The following SBF2 variants were observed in gnomAD, a reference collection of about 807,000 sequenced individuals.
SBF2 encodes the protein myotubularin-related protein 13.
SBF2 carries 112 observed loss-of-function variants against 225.2 expected under a neutral mutation model. The ratio of observed to expected loss-of-function variants is 0.50; its 90% CI spans 0.43 to 0.58. The LOEUF (loss-of-function observed/expected upper bound fraction) is 0.58, where lower values mean the gene tolerates loss of function less well. SBF2 is among the 20% of genes least tolerant of loss of function. The pLI is 0.00. For missense variants in SBF2, 1,996 were observed against 2,206.2 expected, an observed-to-expected ratio of 0.90 and a Z score of 1.91; for synonymous variants, 763 against 773.3, an observed-to-expected ratio of 0.99 and a Z score of 0.22.
chr11:10,041,702 A>G (rs191672089), intron 3 of SBF2, among the ~76,000 whole-genome samples: 2 of 152,310 alleles, frequency 1.3e-5, no homozygotes, highest in African/African-American at 2.4e-5. Context: ...CTGCATCCAG[A>G]AAATTCAGAT....
In SBF2 at chr11:9,845,028, CA is replaced by C. The variant is rs201689784; in HGVS notation, c.3110+536del. Among the ~76,000 whole-genome samples, 892 of 151,518 alleles carry C rather than the reference CA, an allele frequency of 5.9e-3. 4 individuals carry two copies. The highest frequency in any genetic ancestry group is 0.019 in the African/African-American group (775 of 41,392). On this transcript the variant is annotated intron_variant, in intron 24 of 39. Transcript: ENST00000256190. The stretch of plus-strand genomic sequence containing the variant: ...CATCTTATATCTAACTCAAATGGCT[CA>C]AAAAAAATATGTGTATATATGAGAG...
chr11:10,221,202 C>G (rs1413799602), intron 1 of SBF2, among the ~76,000 whole-genome samples: 2 of 151,368 alleles, frequency 1.3e-5, no homozygotes, highest in Non-Finnish European at 2.9e-5. Context: ...ATTGCAGCCT[C>G]TGTCTCCCGG....
chr11:10,076,897 C>G (rs1305196674), intron 2 of SBF2, among the ~76,000 whole-genome samples: 1 of 152,188 alleles, frequency 6.6e-6, no homozygotes, highest in African/African-American at 2.4e-5. Context: ...AGCCTAGCCC[C>G]ATTTGGCCTT....
intron 28 of SBF2, among the ~76,000 whole-genome samples, chr11:9,821,500 G>A (rs150137499): frequency 6.6e-6 from 1 of 152,296 alleles, no homozygotes; most frequent in East Asian, 1.9e-4. Flanking sequence ...CCATCTGGAA[G>A]TCATTTTAAC....
intron 3 of SBF2, among the ~76,000 whole-genome samples, chr11:10,035,986 C>T (rs1949419977): frequency 6.6e-6 from 1 of 151,986 alleles, no homozygotes; most frequent in African/African-American, 2.4e-5. Flanking sequence ...ACACTATTCA[C>T]AATAGGAAAG....
At chr11:10,087,136 G>A (rs769367989) in intron 2 of SBF2, among the ~76,000 whole-genome samples, 1 of 151,694 alleles carries the variant, frequency 6.6e-6, no homozygotes, top group Non-Finnish European at 1.5e-5. Context: ...GTCGGACCTT[G>A]CACTTAAATC....
intron 2 of SBF2, among the ~76,000 whole-genome samples, chr11:10,108,507 A>G: frequency 6.7e-6 from 1 of 149,170 alleles, no homozygotes; most frequent in Non-Finnish European, 1.5e-5. Flanking sequence ...ACAAACAGTA[A>G]TAGTTAACTT....
chr11:9,978,438 C>A (rs944140215), intron 13 of SBF2, among the ~76,000 whole-genome samples: 3 of 151,714 alleles, frequency 2.0e-5, no homozygotes, highest in African/African-American at 7.3e-5. Context: ...AAGTACTTAA[C>A]TAATAGAATT....
At chr11:9,832,508 C>T in intron 26 of SBF2, 88 bp from the exon 27 acceptor site, 1 of 918,080 alleles carries the variant, frequency 1.1e-6, no homozygotes, top group Non-Finnish European at 1.8e-6. Context: ...AAGAGGGAGA[C>T]AGAGAATATA....
chr11:9,958,868 C>T (rs1590608342), intron 16 of SBF2: 7 of 664,546 alleles, frequency 1.1e-5, no homozygotes, highest in South Asian at 9.4e-5. Context: ...CTTCTCCTGG[C>T]CAACAGTCTG....
intron 2 of SBF2, among the ~76,000 whole-genome samples, chr11:10,056,322 T>C (rs994878255): frequency 6.6e-6 from 1 of 152,242 alleles, no homozygotes; most frequent in African/African-American, 2.4e-5. Context: ...ATCTGTACAT[T>C]GCTTTGGGCA....
intron 1 of SBF2, among the ~76,000 whole-genome samples, chr11:10,236,214 G>A (rs1959066256): frequency 6.6e-6 from 1 of 152,158 alleles, no homozygotes; most frequent in Non-Finnish European, 1.5e-5. Context: ...CAAATTGGGA[G>A]GCCCAAGCAG....
chr11:10,263,607 T>C (rs2135518518), intron 1 of SBF2, among the ~76,000 whole-genome samples: 1 of 152,224 alleles, frequency 6.6e-6, no homozygotes. Context: ...AATTAAACAT[T>C]AGGTTCCTTA....
At chr11:10,045,245 G>A (rs376706226) in intron 2 of SBF2, among the ~76,000 whole-genome samples, 15 of 150,924 alleles carry the variant, frequency 9.9e-5, no homozygotes, top group African/African-American at 3.4e-4. Context: ...TTGGCTCACT[G>A]CAACCTCCGC....
At chr11:10,225,042 T>C (rs971389255) in intron 1 of SBF2, among the ~76,000 whole-genome samples, 5 of 152,168 alleles carry the variant, frequency 3.3e-5, no homozygotes, top group African/African-American at 7.2e-5. Flanking sequence ...ATCTTGGAGA[T>C]AGAGGGGTAT....
At chr11:10,132,385 G>GT in intron 2 of SBF2, among the ~76,000 whole-genome samples, 1 of 152,196 alleles carries the variant, frequency 6.6e-6, no homozygotes, top group South Asian at 2.1e-4. Flanking sequence ...GACCCTCGCG[G>GT]TGAGTGTTAC....
intron 13 of SBF2, among the ~76,000 whole-genome samples, chr11:9,980,141 C>T (rs1031318574): frequency 5.9e-5 from 9 of 151,592 alleles, no homozygotes; most frequent in African/African-American, 1.2e-4. Flanking sequence ...CCACCATGCC[C>T]GGCTAATTTT....
chr11:10,250,328 T>G (rs1960224395), intron 1 of SBF2, among the ~76,000 whole-genome samples: 1 of 152,186 alleles, frequency 6.6e-6, no homozygotes. Context: ...CAAGTGGTAT[T>G]CAAGAGGATG....
intron 2 of SBF2, among the ~76,000 whole-genome samples, chr11:10,170,917 T>G (rs188219675): frequency 6.6e-6 from 1 of 152,294 alleles, no homozygotes; most frequent in Non-Finnish European, 1.5e-5. Flanking sequence ...TAAATGAGAT[T>G]ACTTTCTTGA....
Sources: allele counts gnomAD v4.1 joint callset (sites outside exome capture counted in the v4.1 genomes callset), GRCh38; gene constraint gnomAD v4.1.1; transcripts MANE v1.5; gene names NCBI Gene and HGNC (gene_info 2026-07-23, HGNC 2026-07-21).